The following CAST variants were observed in gnomAD, a reference collection of about 807,000 sequenced individuals.
CAST encodes the protein MIR583 host.
Under a neutral mutation model 119.6 loss-of-function variants are expected in CAST, and 76 were observed. That is an observed-to-expected ratio of 0.64 (90% CI 0.53 to 0.77). The LOEUF (loss-of-function observed/expected upper bound fraction) is 0.77. CAST is among the 30% of genes least tolerant of loss of function. CAST has a pLI of 0.00. For synonymous variants in CAST, 319 were observed against 331.6 expected (o/e 0.96, Z 0.41); for missense variants, 953 against 946.5 (o/e 1.01, Z -0.09).
intron 1 of CAST, among the ~76,000 whole-genome samples, chr5:96,649,575 T>A (rs968203500): frequency 1.3e-5 from 2 of 152,212 alleles, no homozygotes; most frequent in African/African-American, 2.4e-5. Context: ...GCCACCTTGG[T>A]TTCCCCATTG....
chr5:96,698,186 C>T (rs942891039), intron 3 of CAST, among the ~76,000 whole-genome samples: 1 of 152,014 alleles, frequency 6.6e-6, no homozygotes, highest in African/African-American at 2.4e-5. Context: ...AGAATCAGAC[C>T]CTTTCCATGT....
intron 1 of CAST, among the ~76,000 whole-genome samples, chr5:96,619,908 C>A (rs1360707023): frequency 6.6e-6 from 1 of 152,224 alleles, no homozygotes; most frequent in Non-Finnish European, 1.5e-5. Flanking sequence ...GGGTTCTGTA[C>A]CTCACTAACC....
rs770862712 is a variant in CAST at position 96,763,353 on chromosome 5, T to TATGTGCATGTGC, written c.1932+993_1932+1004dup. The TATGTGCATGTGC allele has an allele frequency of 1.2e-5, 9 of 737,564 alleles. No individual in the cohort carries two copies. In the African/African-American group the frequency reaches 1.5e-4, roughly 13 times the overall value. 45.7% of individuals were successfully genotyped at this position (737,564 alleles called of 1,614,324 possible). ...ACCAGTAAAATGCCCCGTGTGTGTG[T>TATGTGCATGTGC]ATGTGCATGTGCATGTGCATGTGTG... On this transcript the variant is annotated intron_variant, in intron 25 of 31. Transcript: ENST00000675179.
chr5:96,470,471 A>G, the CAST span, among the ~76,000 whole-genome samples: 1 of 152,060 alleles, frequency 6.6e-6, no homozygotes, highest in Non-Finnish European at 1.5e-5. Context: ...GCATCTGAAA[A>G]TCACATATAT....
the CAST span, among the ~76,000 whole-genome samples, chr5:96,215,867 G>C: frequency 6.6e-6 from 1 of 152,186 alleles, no homozygotes; most frequent in South Asian, 2.1e-4. Flanking sequence ...CAGTGCAGTA[G>C]CATGATCTCA....
chr5:96,014,022 A>G, the CAST span, among the ~76,000 whole-genome samples: 1 of 152,114 alleles, frequency 6.6e-6, no homozygotes, highest in Non-Finnish European at 1.5e-5. Flanking sequence ...TTTACTTTGT[A>G]AACTTTTAAT....
the CAST span, among the ~76,000 whole-genome samples, chr5:96,387,395 G>A: frequency 6.6e-6 from 1 of 152,134 alleles, no homozygotes; most frequent in East Asian, 1.9e-4. Context: ...AGAGCCAAGG[G>A]CCTAGATGCT....
the CAST span, among the ~76,000 whole-genome samples, chr5:96,275,268 G>A: frequency 6.6e-6 from 1 of 152,082 alleles, no homozygotes. Context: ...TTTCTTTAAA[G>A]TTTCATTAAA....
At chr5:96,622,945 G>C (rs7724964) in intron 1 of CAST, among the ~76,000 whole-genome samples, 37 of 105,408 alleles carry the variant, frequency 3.5e-4, no homozygotes, top group African/African-American at 6.9e-4. Flanking sequence ...CTCACTGCAA[G>C]CTCCACTTTC....
At chr5:96,189,110 T>C in the CAST span, among the ~76,000 whole-genome samples, 1 of 152,226 alleles carries the variant, frequency 6.6e-6, no homozygotes, top group Non-Finnish European at 1.5e-5. Context: ...TTAATTTGGA[T>C]GTTGCTTCTA....
chr5:96,493,072 TTCTA>T, the CAST span, among the ~76,000 whole-genome samples: 1 of 152,204 alleles, frequency 6.6e-6, no homozygotes, highest in Admixed American at 6.5e-5. Flanking sequence ...TAATTTTATT[TTCTA>T]TACACCAAAT....
the CAST span, among the ~76,000 whole-genome samples, chr5:96,436,614 A>G: frequency 6.6e-6 from 1 of 152,200 alleles, no homozygotes; most frequent in Non-Finnish European, 1.5e-5. Flanking sequence ...TTTTCTTGAC[A>G]TATTTATCAT....
chr5:96,075,885 G>A, the CAST span, among the ~76,000 whole-genome samples: 1 of 152,148 alleles, frequency 6.6e-6, no homozygotes, highest in African/African-American at 2.4e-5. Flanking sequence ...TCCCTTGGGA[G>A]TTTGTCACAT....
chr5:96,011,465 T>C, the CAST span, among the ~76,000 whole-genome samples: 5 of 152,328 alleles, frequency 3.3e-5, no homozygotes, highest in East Asian at 9.6e-4. Context: ...GGTACATAGT[T>C]GCCCATGTGA....
At chr5:96,433,160 T>C in the CAST span, 1 of 975,728 alleles carries the variant, frequency 1.0e-6, no homozygotes, top group African/African-American at 1.6e-5. Context: ...TCCTGGCTCC[T>C]GGTTGCTCTG....
the CAST span, chr5:96,397,592 T>G: frequency 1.1e-6 from 1 of 881,314 alleles, no homozygotes; most frequent in South Asian, 1.4e-5. Flanking sequence ...TCTTTTAGTA[T>G]AAGACCAGGA....
At chr5:96,607,140 T>C (rs181795052) in intron 1 of CAST, among the ~76,000 whole-genome samples, 8 of 152,068 alleles carry the variant, frequency 5.3e-5, no homozygotes, top group African/African-American at 1.9e-4. Context: ...TGCAAAAAAT[T>C]AGCCGGGCGT....
the CAST span, among the ~76,000 whole-genome samples, chr5:96,229,032 T>C: frequency 6.6e-6 from 1 of 151,982 alleles, no homozygotes; most frequent in Non-Finnish European, 1.5e-5. Flanking sequence ...TATGTGACCA[T>C]AGAATTCTAG....
intron 1 of CAST, among the ~76,000 whole-genome samples, chr5:96,547,640 A>G (rs1183035907): frequency 6.6e-6 from 1 of 152,220 alleles, no homozygotes; most frequent in African/African-American, 2.4e-5. Context: ...TTTAACTCGG[A>G]GTAGTTGACA....
Sources: gnomAD v4.1 joint callset for allele counts (sites outside exome capture counted in the v4.1 genomes callset) on GRCh38, gnomAD v4.1.1 for gene constraint, MANE v1.5 for transcripts, NCBI Gene and HGNC (gene_info 2026-07-23, HGNC 2026-07-21) for gene names.